The following IGSF10 variants were observed in gnomAD, a reference collection of about 807,000 sequenced individuals.
IGSF10 encodes immunoglobulin superfamily member 10.
A neutral mutation model predicts 128.2 loss-of-function variants in IGSF10; 126 were observed. The ratio of observed to expected loss-of-function variants is 0.98; its 90% confidence interval spans 0.85 to 1.14. The LOEUF is 1.14. IGSF10 is among the 50% of genes most tolerant of loss of function. The probability of loss-of-function intolerance (pLI) is 0.00; values close to 1 mark genes in which losing one functional copy is unlikely to be tolerated. For synonymous variants in IGSF10, 1,185 were observed against 1,146.2 expected (o/e 1.03, Z -0.68); for missense variants, 3,295 against 3,149.8 (o/e 1.05, Z -1.10).
the IGSF10 span, among the ~76,000 whole-genome samples, chr3:151,512,084 G>A: frequency 6.6e-6 from 1 of 152,130 alleles, no homozygotes; most frequent in African/African-American, 2.4e-5. Context: ...GGATATCCAA[G>A]AATTGAACTC....
chr3:151,504,381 G>A, the IGSF10 span, among the ~76,000 whole-genome samples: 2 of 152,162 alleles, frequency 1.3e-5, no homozygotes, highest in African/African-American at 2.4e-5. Context: ...TTCAGAATTT[G>A]CAGAGAGAAA....
At chr3:151,458,262 GC>G (rs1388392759) in intron 3 of IGSF10, among the ~76,000 whole-genome samples, 1 of 152,024 alleles carries the variant, frequency 6.6e-6, no homozygotes, top group Non-Finnish European at 1.5e-5. Context: ...CCAGAAAGAA[GC>G]TTTTTACCGT....
chr3:151,435,009 ATTAC>A (rs1013374572), downstream of IGSF10: 10 of 150,976 alleles, frequency 6.6e-5, no homozygotes, highest in African/African-American at 2.2e-4. Flanking sequence ...AATAACTAGA[ATTAC>A]TTTAGTCTTC....
At chr3:151,613,062 C>G in the IGSF10 span, among the ~76,000 whole-genome samples, 1 of 152,038 alleles carries the variant, frequency 6.6e-6, no homozygotes, top group Admixed American at 6.6e-5. Flanking sequence ...AAACAGAGAG[C>G]CAAATCATGA....
At chr3:151,492,650 G>A in the IGSF10 span, among the ~76,000 whole-genome samples, 134 of 152,128 alleles carry the variant, frequency 8.8e-4, no homozygotes, top group African/African-American at 2.6e-3. Flanking sequence ...ACTGGGAAGC[G>A]GAGGTTGCAG....
At chr3:151,516,235 C>G in the IGSF10 span, among the ~76,000 whole-genome samples, 1 of 152,022 alleles carries the variant, frequency 6.6e-6, no homozygotes, top group South Asian at 2.1e-4. Context: ...GTAAAGGTAA[C>G]AAGGGAAGTT....
chr3:151,613,049 GACAA>G, the IGSF10 span, among the ~76,000 whole-genome samples: 2 of 152,086 alleles, frequency 1.3e-5, no homozygotes, highest in Non-Finnish European at 2.9e-5. Flanking sequence ...ACCAATAACA[GACAA>G]ACAGAGAGCC....
the IGSF10 span, among the ~76,000 whole-genome samples, chr3:151,521,370 T>C: frequency 6.6e-6 from 1 of 151,820 alleles, no homozygotes. Flanking sequence ...GGATTTGATA[T>C]ACCTTTACAG....
the IGSF10 span, among the ~76,000 whole-genome samples, chr3:151,495,878 G>C: frequency 6.6e-6 from 1 of 152,118 alleles, no homozygotes; most frequent in African/African-American, 2.4e-5. Flanking sequence ...GCACCAGGCT[G>C]AATAGGATCA....
chr3:151,528,465 C>T, the IGSF10 span, among the ~76,000 whole-genome samples: 3 of 152,166 alleles, frequency 2.0e-5, no homozygotes, highest in African/African-American at 7.2e-5. Flanking sequence ...AAGACTGATG[C>T]AGAAGGCAGG....
intron 3 of IGSF10, among the ~76,000 whole-genome samples, chr3:151,458,000 C>CT (rs1049213756): frequency 6.6e-6 from 1 of 151,724 alleles, no homozygotes; most frequent in Non-Finnish European, 1.5e-5. Flanking sequence ...CACACACAGA[C>CT]TTTTTTTTCA....
chr3:151,437,246 G>C lies in IGSF10; in HGVS notation c.7315C>G (p.Pro2439Ala), dbSNP rs1366004279. Reference protein sequence around the residue: ...GQKPVILTYAPGTVKGISGES... With the variant: ...GQKPVILTYAAGTVKGISGES... ...CCACTGATGCCTTTTACTGTCCCTG[G>C]TGCATAGGTAAGAATAACTGGCTTC... is the stretch of plus-strand genomic sequence containing the variant. The change falls in exon 8 of 8, where the codon CCA becomes GCA. Residue 2439 changes from proline to alanine, a missense_variant. Pro to Ala is a conservative substitution (Grantham distance 27). Transcript: ENST00000282466. 1 of 1,614,132 alleles carries C rather than the reference G, an allele frequency of 6.2e-7. No homozygotes were observed. Among genetic ancestry groups the C allele is most frequent in the Admixed American group, 1.7e-5 (1 of 60,020 alleles).
the IGSF10 span, among the ~76,000 whole-genome samples, chr3:151,540,159 A>T: frequency 2.0e-5 from 3 of 152,214 alleles, no homozygotes; most frequent in African/African-American, 7.2e-5. Context: ...TTTTAATAGA[A>T]GTATGAAATA....
At chr3:151,444,546 G>A (rs1721071494) in intron 6 of IGSF10, among the ~76,000 whole-genome samples, 1 of 152,140 alleles carries the variant, frequency 6.6e-6, no homozygotes, top group Non-Finnish European at 1.5e-5. Flanking sequence ...CTGACCTCAG[G>A]TAATCCACCC....
the IGSF10 span, among the ~76,000 whole-genome samples, chr3:151,590,320 A>T: frequency 6.6e-6 from 1 of 152,208 alleles, no homozygotes; most frequent in Non-Finnish European, 1.5e-5. Flanking sequence ...GATTAAAGGC[A>T]TGAGCCACCG....
the IGSF10 span, among the ~76,000 whole-genome samples, chr3:151,530,321 C>T: frequency 6.6e-6 from 1 of 152,034 alleles, no homozygotes; most frequent in East Asian, 1.9e-4. Flanking sequence ...ACTTCCCCAA[C>T]CTAGCAAGGT....
chr3:151,478,375 C>T, the IGSF10 span, among the ~76,000 whole-genome samples: 1 of 152,194 alleles, frequency 6.6e-6, no homozygotes, highest in African/African-American at 2.4e-5. Flanking sequence ...GGTTTTCTTT[C>T]ACTTAAAATC....
At chr3:151,438,835 T>C (rs200644906) in intron 7 of IGSF10, among the ~76,000 whole-genome samples, 17 of 119,782 alleles carry the variant, frequency 1.4e-4, no homozygotes, top group South Asian at 2.8e-4. Flanking sequence ...TATATATATA[T>C]ACACATACAT....
At chr3:151,572,778 C>T in the IGSF10 span, among the ~76,000 whole-genome samples, 1 of 152,166 alleles carries the variant, frequency 6.6e-6, no homozygotes, top group East Asian at 1.9e-4. Context: ...AATGTGTTTG[C>T]TCTTGCTTCT....
Sources: gnomAD v4.1 joint callset for allele counts (sites outside exome capture counted in the v4.1 genomes callset) on GRCh38, gnomAD v4.1.1 for gene constraint, MANE v1.5 for transcripts, NCBI Gene and HGNC (gene_info 2026-07-23, HGNC 2026-07-21) for gene names.